TMEM39A: variants seen among roughly 807,000 people sequenced by gnomAD.
TMEM39A encodes the protein suppressor of SQST-1 aggregates in rpl-43 mutants.
In TMEM39A, 19 loss-of-function variants were observed where a neutral mutation model predicts 51.9. The ratio of observed to expected loss-of-function variants is 0.37; its 90% confidence interval spans 0.26 to 0.54. TMEM39A has a LOEUF of 0.54. TMEM39A is among the 20% of genes least tolerant of loss of function. The pLI is 0.88. For missense variants in TMEM39A, 433 were observed against 590.5 expected (o/e 0.73, Z 2.76); for synonymous variants, 197 against 220.2 (o/e 0.89, Z 0.93).
At chr3:119,458,636 T>C (rs1356275323) in intron 2 of TMEM39A, among the ~76,000 whole-genome samples, 1 of 152,174 alleles carries the variant, frequency 6.6e-6, no homozygotes, top group East Asian at 1.9e-4. Context: ...GGCTCACACC[T>C]GTAATCCCAG....
chr3:119,456,973 CTT>C (rs35937230), intron 3 of TMEM39A, among the ~76,000 whole-genome samples: 18 of 140,576 alleles, frequency 1.3e-4, no homozygotes, highest in Middle Eastern at 3.5e-3. Context: ...TCATGGTACT[CTT>C]TTTTTTTTTT....
In TMEM39A at chr3:119,434,137, A is replaced by G. The variant is rs185168474; in HGVS notation, c.1233+625T>C. 8.5e-5 allele frequency among the ~76,000 whole-genome samples: 13 copies of G among 152,320 alleles called. No individual in the cohort carries two copies. The East Asian group carries it at 1.7e-3, about 20-fold the overall frequency. Reference sequence around the variant, plus strand: ...GCATTAGTCAGCTGGCCTTTCTTTTATAAGTATATACTTTTGCCTTGTACA... The same window carrying G: ...GCATTAGTCAGCTGGCCTTTCTTTTGTAAGTATATACTTTTGCCTTGTACA... On this transcript the variant is annotated intron_variant, in intron 8 of 8. Coordinates refer to ENST00000319172, the MANE Select transcript of TMEM39A (RefSeq NM_018266.3).
rs1205357547 is a variant in TMEM39A, at chr3:119,462,101, C to T, written c.-27G>A. On this transcript the variant is annotated 5_prime_UTR_variant, in exon 2 of 9. Transcript: ENST00000319172. ...TCCAGGAACCAGTCTGCTTCCAGTG[C>T]CACCTGTAGTTGCAACCCAGGTTAA... is the stretch of plus-strand genomic sequence containing the variant. The T allele has an allele frequency of 3.1e-6, 5 of 1,594,158 alleles. No homozygotes were observed. In the African/African-American group the frequency reaches 5.4e-5, roughly 17 times the overall value.
chr3:119,452,414 A>T, intron 4 of TMEM39A, 33 bp downstream of exon 4: 1 of 1,553,198 alleles, frequency 6.4e-7, no homozygotes, highest in Non-Finnish European at 8.9e-7. Context: ...AACTCTAGCT[A>T]CATGTGATAG....
rs2080888451 is a variant in TMEM39A at position 119,430,789 on chromosome 3, T to A, written c.*1192A>T. 6.6e-6 allele frequency: 1 copy of A among 152,116 alleles called. No homozygotes were observed. Among genetic ancestry groups the A allele is most frequent in the Non-Finnish European group, 1.5e-5 (1 of 67,982 alleles). 9.4% of individuals were successfully genotyped at this position (152,116 alleles called of 1,614,324 possible). ...GCCAGCTTGTCAACGACATGATTGGTCTTTTTACTTCATAAGTCTTATTTT... is the reference window on the plus strand; with the variant it reads ...GCCAGCTTGTCAACGACATGATTGGACTTTTTACTTCATAAGTCTTATTTT... On this transcript the variant is annotated 3_prime_UTR_variant, in exon 9 of 9. Transcript: ENST00000319172.
chr3:119,432,268 A>G, intron 8 of TMEM39A, 54 bp from the exon 9 acceptor site: 1 of 1,271,812 alleles, frequency 7.9e-7, no homozygotes, highest in Admixed American at 2.4e-5. Flanking sequence ...TAATGGCTAC[A>G]GTTATTCTTG....
intron 5 of TMEM39A, among the ~76,000 whole-genome samples, chr3:119,440,941 A>G (rs1032343362): frequency 1.3e-5 from 2 of 152,160 alleles, no homozygotes; most frequent in Admixed American, 6.5e-5. Context: ...TAATTCTCCC[A>G]ATATTTCAAA....
chr3:119,452,579 C>G (rs1270216403), intron 3 of TMEM39A, 49 bp from the exon 4 acceptor site: 5 of 1,429,190 alleles, frequency 3.5e-6, no homozygotes, highest in Non-Finnish European at 4.9e-6. Context: ...GATGTGTATT[C>G]AGCTGGCACT....
chr3:119,431,880 C>A lies in TMEM39A; in HGVS notation c.*101G>T. On this transcript the variant is annotated 3_prime_UTR_variant, in exon 9 of 9. Transcript: ENST00000319172. ...CCGACTTTCAAAACATAATAGTATA[C>A]AAAATATAAAATATCTTAAATATTT... The A allele has an allele frequency of 1.2e-6, 1 of 830,884 alleles. No homozygotes were observed. Among genetic ancestry groups the A allele is most frequent in the Admixed American group, 3.3e-5 (1 of 30,612 alleles). 51.5% of individuals were successfully genotyped at this position (830,884 alleles called of 1,614,324 possible).
At chr3:119,437,447 C>T (rs1168401423) in intron 6 of TMEM39A, among the ~76,000 whole-genome samples, 1 of 151,166 alleles carries the variant, frequency 6.6e-6, no homozygotes, top group Non-Finnish European at 1.5e-5. Flanking sequence ...TTTACTGAAA[C>T]CTTGGTCCTC....
chr3:119,458,607 T>C (rs998309098), intron 2 of TMEM39A, among the ~76,000 whole-genome samples: 1 of 152,046 alleles, frequency 6.6e-6, no homozygotes, highest in Non-Finnish European at 1.5e-5. Flanking sequence ...TATTAAAACT[T>C]TTCTTGGCCA....
At chr3:119,440,768 C>T (rs1036918481) in intron 5 of TMEM39A, among the ~76,000 whole-genome samples, 3 of 152,032 alleles carry the variant, frequency 2.0e-5, no homozygotes, top group African/African-American at 7.2e-5. Context: ...TTAAAAGTAA[C>T]GAAGGCAAAT....
At chr3:119,435,909 T>C in intron 7 of TMEM39A, 1 of 1,289,736 alleles carries the variant, frequency 7.8e-7, no homozygotes, top group Non-Finnish European at 1.0e-6. Context: ...TCTCTTTCAG[T>C]TCCTGGGCTT....
At chr3:119,438,203 C>T in intron 5 of TMEM39A, 100 bp from the exon 6 acceptor site, 1 of 816,506 alleles carries the variant, frequency 1.2e-6, no homozygotes, top group South Asian at 2.3e-5. Flanking sequence ...ATAAAATAGT[C>T]AGGACCCGCA....
Position 119,434,707 on chromosome 3 carries a change from GCCT to G in TMEM39A, c.1233+52_1233+54del, listed in dbSNP as rs1402686212. ...ATGCTACATGCTTCCACATAGAGTG[GCCT>G]CCTAACACTTACCCCTAAGCTTATG... is the stretch of plus-strand genomic sequence containing the variant. On this transcript the variant is annotated intron_variant, in intron 8 of 8. Transcript: ENST00000319172. 4 of 1,595,632 alleles carry G rather than the reference GCCT, an allele frequency of 2.5e-6. No homozygotes were observed. In the East Asian group the frequency reaches 9.0e-5, roughly 36 times the overall value.
At chr3:119,458,267 A>ACC in intron 2 of TMEM39A, 27 bp from the exon 3 acceptor site, 1 of 1,588,974 alleles carries the variant, frequency 6.3e-7, no homozygotes, top group Non-Finnish European at 8.6e-7. Context: ...TGGTTAACTC[A>ACC]AATGGTGATA....
At chr3:119,444,658 C>T (rs745618121) in intron 5 of TMEM39A, among the ~76,000 whole-genome samples, 4 of 152,218 alleles carry the variant, frequency 2.6e-5, no homozygotes, top group Non-Finnish European at 5.9e-5. Context: ...AATTCTCAAA[C>T]TTGAGCATGC....
intron 3 of TMEM39A, among the ~76,000 whole-genome samples, chr3:119,456,640 T>C (rs1214063799): frequency 6.6e-6 from 1 of 152,212 alleles, no homozygotes; most frequent in Non-Finnish European, 1.5e-5. Flanking sequence ...ATCTGTCAAG[T>C]CATCTGACTA....
At chr3:119,456,376 T>C (rs2081264114) in intron 3 of TMEM39A, among the ~76,000 whole-genome samples, 1 of 152,206 alleles carries the variant, frequency 6.6e-6, no homozygotes, top group Non-Finnish European at 1.5e-5. Context: ...TGATATTAAG[T>C]AGACAGGAGG....
Sources: allele counts gnomAD v4.1 joint callset (sites outside exome capture counted in the v4.1 genomes callset), GRCh38; gene constraint gnomAD v4.1.1; transcripts MANE v1.5; gene names NCBI Gene and HGNC (gene_info 2026-07-23, HGNC 2026-07-21).